The following SLC24A2 variants were observed in gnomAD, a reference collection of about 807,000 sequenced individuals.
SLC24A2 encodes sodium/potassium/calcium exchanger 2.
In SLC24A2, 36 loss-of-function variants were observed where a neutral mutation model predicts 62.0. The observed-to-expected ratio is 0.58, with a 90% CI of 0.44 to 0.77. SLC24A2 has a LOEUF of 0.77. Ranked by LOEUF, SLC24A2 falls within the 30% of genes least tolerant of loss-of-function variation. The pLI is 0.00. For synonymous variants in SLC24A2, 358 were observed against 294.0 expected, an observed-to-expected ratio of 1.22 and a Z score of -2.23; for missense variants, 846 against 817.9, an observed-to-expected ratio of 1.03 and a Z score of -0.42.
chr9:19,569,406 ATC>A (rs1181781945), intron 7 of SLC24A2, among the ~76,000 whole-genome samples: 4 of 152,266 alleles, frequency 2.6e-5, no homozygotes, highest in African/African-American at 7.2e-5. Context: ...TATAAAACAA[ATC>A]TGACACTGCC....
At chr9:19,783,753 C>T (rs1196671365) in intron 2 of SLC24A2, among the ~76,000 whole-genome samples, 1 of 152,152 alleles carries the variant, frequency 6.6e-6, no homozygotes, top group African/African-American at 2.4e-5. Context: ...TATGCACGTT[C>T]CACTTAAAAA....
chr9:19,553,952 C>T (rs1834962544), intron 7 of SLC24A2, among the ~76,000 whole-genome samples: 1 of 152,156 alleles, frequency 6.6e-6, no homozygotes, highest in South Asian at 2.1e-4. Flanking sequence ...ATGCCCCTTC[C>T]TTCTCCCCCA....
chr9:20,250,613 G>A, the SLC24A2 span, among the ~76,000 whole-genome samples: 6 of 152,260 alleles, frequency 3.9e-5, no homozygotes, highest in East Asian at 3.9e-4. Flanking sequence ...ACCCATGCAC[G>A]CCTCATGTGA....
chr9:20,091,757 C>G, the SLC24A2 span, among the ~76,000 whole-genome samples: 2 of 152,150 alleles, frequency 1.3e-5, no homozygotes, highest in Non-Finnish European at 2.9e-5. Flanking sequence ...TACAAAAACA[C>G]ATGTAAGTTC....
chr9:20,046,976 A>G, the SLC24A2 span, among the ~76,000 whole-genome samples: 11 of 152,082 alleles, frequency 7.2e-5, no homozygotes, highest in Admixed American at 7.2e-4. Flanking sequence ...AACCAGGAAG[A>G]CCACTTAGGG....
chr9:20,264,070 T>A, the SLC24A2 span, among the ~76,000 whole-genome samples: 1 of 152,108 alleles, frequency 6.6e-6, no homozygotes, highest in Non-Finnish European at 1.5e-5. Context: ...TGACTTCTAT[T>A]GTAGTCAGCC....
chr9:19,516,806 A>G (rs1341413651), intron 10 of SLC24A2, among the ~76,000 whole-genome samples: 1 of 152,232 alleles, frequency 6.6e-6, no homozygotes, highest in Non-Finnish European at 1.5e-5. Context: ...AAAAAGGCAC[A>G]GAAATGAGTG....
At chr9:19,884,095 T>G in the SLC24A2 span, among the ~76,000 whole-genome samples, 1 of 152,218 alleles carries the variant, frequency 6.6e-6, no homozygotes, top group African/African-American at 2.4e-5. Context: ...TTTTTGTGCC[T>G]CATTCTAAAT....
At chr9:20,061,288 ATT>A in the SLC24A2 span, among the ~76,000 whole-genome samples, 17 of 146,182 alleles carry the variant, frequency 1.2e-4, no homozygotes, top group African/African-American at 2.2e-4. Flanking sequence ...TGGTCAACTG[ATT>A]TTTTTTTTTT....
the SLC24A2 span, among the ~76,000 whole-genome samples, chr9:20,103,680 A>G: frequency 5.3e-5 from 8 of 152,370 alleles, no homozygotes; most frequent in South Asian, 1.7e-3. Flanking sequence ...AAGGACATCC[A>G]CACAAAAAAC....
chr9:19,950,779 C>T, the SLC24A2 span, among the ~76,000 whole-genome samples: 1 of 152,130 alleles, frequency 6.6e-6, no homozygotes, highest in African/African-American at 2.4e-5. Flanking sequence ...CAGGTTGTGG[C>T]TCAGACTATG....
At chr9:19,694,203 C>T (rs2118483603) in intron 2 of SLC24A2, among the ~76,000 whole-genome samples, 1 of 152,068 alleles carries the variant, frequency 6.6e-6, no homozygotes, top group South Asian at 2.1e-4. Flanking sequence ...ATGATGAAAT[C>T]TCAACAGATA....
chr9:19,850,992 T>TAC, the SLC24A2 span, among the ~76,000 whole-genome samples: 1 of 47,536 alleles, frequency 2.1e-5, no homozygotes, highest in African/African-American at 7.2e-5. Flanking sequence ...TATGTATATA[T>TAC]ATATATATAC....
the SLC24A2 span, among the ~76,000 whole-genome samples, chr9:20,251,760 G>A: frequency 2.6e-5 from 4 of 152,124 alleles, no homozygotes; most frequent in East Asian, 7.7e-4. Flanking sequence ...ATGGTTCCAG[G>A]GATGGGTGAT....
At chr9:20,014,493 G>C in the SLC24A2 span, among the ~76,000 whole-genome samples, 1 of 107,234 alleles carries the variant, frequency 9.3e-6, no homozygotes, top group Non-Finnish European at 2.1e-5. Flanking sequence ...AAAGAAAAAT[G>C]TGATATATAT....
the SLC24A2 span, among the ~76,000 whole-genome samples, chr9:19,810,670 G>C: frequency 6.6e-6 from 1 of 152,174 alleles, no homozygotes; most frequent in Non-Finnish European, 1.5e-5. Flanking sequence ...CCAGTTATAA[G>C]GAAAACCATA....
At chr9:19,816,838 C>T in the SLC24A2 span, among the ~76,000 whole-genome samples, 12 of 151,898 alleles carry the variant, frequency 7.9e-5, no homozygotes, top group Non-Finnish European at 1.6e-4. Flanking sequence ...GAAACTCACT[C>T]CCATGATCCA....
At chr9:19,884,777 A>G in the SLC24A2 span, among the ~76,000 whole-genome samples, 1 of 152,204 alleles carries the variant, frequency 6.6e-6, no homozygotes, top group Non-Finnish European at 1.5e-5. Flanking sequence ...ACTTTAATAT[A>G]AAATAGGCTT....
At chr9:19,907,047 C>T in the SLC24A2 span, among the ~76,000 whole-genome samples, 2 of 152,302 alleles carry the variant, frequency 1.3e-5, no homozygotes, top group Admixed American at 1.3e-4. Context: ...AGACCAATAT[C>T]CCTGATGAAC....
Sources: allele counts gnomAD v4.1 joint callset (sites outside exome capture counted in the v4.1 genomes callset), GRCh38; gene constraint gnomAD v4.1.1; transcripts MANE v1.5; gene names NCBI Gene and HGNC (gene_info 2026-07-23, HGNC 2026-07-21).